ANXA8: variants seen among roughly 807,000 people sequenced by gnomAD.
ANXA8 encodes the protein annexin A8, also known as VAC-beta.
In ANXA8, 9 loss-of-function variants were observed where a neutral mutation model predicts 26.8. The observed-to-expected ratio is 0.34, with a 90% CI of 0.20 to 0.59. The LOEUF is 0.59. Among genes scored for constraint, ANXA8 ranks in the 20% least tolerant of loss-of-function variants. The pLI, the probability that ANXA8 is intolerant of heterozygous loss-of-function variation, is 0.84. For missense variants in ANXA8, 83 were observed against 238.5 expected (o/e 0.35, Z 4.29); for synonymous variants, 39 against 94.8 (o/e 0.41, Z 3.42).
the ANXA8 span, among the ~76,000 whole-genome samples, chr10:47,704,724 C>T: frequency 7.8e-4 from 118 of 152,078 alleles, no homozygotes; most frequent in South Asian, 1.7e-3. Flanking sequence ...AAGTCAATCA[C>T]ATTTCTAGAG....
upstream of ANXA8, among the ~76,000 whole-genome samples, chr10:47,485,158 A>T (rs1405727439): frequency 1.3e-5 from 2 of 152,092 alleles, no homozygotes; most frequent in African/African-American, 4.8e-5. Flanking sequence ...ATTGTACGCC[A>T]AACCTAATAA....
the ANXA8 span, among the ~76,000 whole-genome samples, chr10:47,952,706 G>A: frequency 1.4e-5 from 2 of 147,582 alleles, no homozygotes; most frequent in Admixed American, 1.3e-4. Context: ...TACAAAGAAT[G>A]AATGTTGAGG....
the ANXA8 span, among the ~76,000 whole-genome samples, chr10:47,744,180 C>A: frequency 2.7e-5 from 4 of 148,518 alleles, no homozygotes; most frequent in East Asian, 6.5e-4. Context: ...CTCTCACAGG[C>A]ATGGGGCCCC....
At chr10:47,960,422 C>T in the ANXA8 span, among the ~76,000 whole-genome samples, 3 of 146,946 alleles carry the variant, frequency 2.0e-5, no homozygotes, top group Non-Finnish European at 4.5e-5. Context: ...GCACAGCCTG[C>T]TTCAGCTAAG....
the ANXA8 span, among the ~76,000 whole-genome samples, chr10:47,956,528 A>G: frequency 6.9e-6 from 1 of 145,838 alleles, no homozygotes; most frequent in South Asian, 2.2e-4. Context: ...GACTCATACG[A>G]AGAAGTAGGG....
the ANXA8 span, among the ~76,000 whole-genome samples, chr10:47,988,720 T>A: frequency 6.6e-6 from 1 of 150,710 alleles, no homozygotes; most frequent in Non-Finnish European, 1.5e-5. Context: ...GAAGCTTTCT[T>A]CCACAGGGAG....
the ANXA8 span, among the ~76,000 whole-genome samples, chr10:47,497,698 G>A: frequency 6.7e-6 from 1 of 148,288 alleles, no homozygotes; most frequent in Non-Finnish European, 1.5e-5. Flanking sequence ...AGAACTTTGG[G>A]AGGCCAAGGC....
chr10:47,644,393 A>G, the ANXA8 span, among the ~76,000 whole-genome samples: 24 of 151,950 alleles, frequency 1.6e-4, no homozygotes, highest in African/African-American at 5.3e-4. Flanking sequence ...TATAATCTCT[A>G]TACAACTGTT....
At chr10:47,699,344 C>CAAAAA in the ANXA8 span, among the ~76,000 whole-genome samples, 73 of 53,912 alleles carry the variant, frequency 1.4e-3, no homozygotes, top group East Asian at 2.4e-3. Flanking sequence ...ATTCTGTCTC[C>CAAAAA]AAAAAAAAAA....
At chr10:47,626,037 CAGA>C in the ANXA8 span, among the ~76,000 whole-genome samples, 1 of 150,378 alleles carries the variant, frequency 6.6e-6, no homozygotes. Context: ...CGTGTTGTTG[CAGA>C]AGATTTCTTC....
chr10:47,647,225 T>C, the ANXA8 span, among the ~76,000 whole-genome samples: 1 of 152,156 alleles, frequency 6.6e-6, no homozygotes, highest in East Asian at 1.9e-4. Flanking sequence ...TATAGGACTC[T>C]TGATAATATT....
the ANXA8 span, among the ~76,000 whole-genome samples, chr10:47,526,758 AG>A: frequency 6.9e-6 from 1 of 144,414 alleles, no homozygotes; most frequent in African/African-American, 2.5e-5. Flanking sequence ...ACCAATTAAG[AG>A]ACTTTCTCTA....
upstream of ANXA8, among the ~76,000 whole-genome samples, chr10:47,485,067 T>A (rs1203221802): frequency 7.9e-5 from 12 of 151,008 alleles, no homozygotes; most frequent in Non-Finnish European, 1.3e-4. Flanking sequence ...CCATTCCCTT[T>A]TGGTGCCCAT....
chr10:47,581,512 A>G, the ANXA8 span: 1 of 545,470 alleles, frequency 1.8e-6, no homozygotes, highest in Non-Finnish European at 3.6e-6. Context: ...CCTTGGCTGT[A>G]TTCCTGATTG....
At chr10:47,649,266 A>G in the ANXA8 span, among the ~76,000 whole-genome samples, 2 of 151,436 alleles carry the variant, frequency 1.3e-5, no homozygotes, top group East Asian at 3.9e-4. Flanking sequence ...AATGATACAT[A>G]AACCCTATTT....
At chr10:47,665,380 G>A in the ANXA8 span, among the ~76,000 whole-genome samples, 561 of 150,958 alleles carry the variant, frequency 3.7e-3, 11 homozygotes, top group African/African-American at 0.013. Context: ...GAATAGCTGC[G>A]TACACTTTAT....
At chr10:47,597,490 T>C in the ANXA8 span, among the ~76,000 whole-genome samples, 1 of 145,422 alleles carries the variant, frequency 6.9e-6, no homozygotes, top group African/African-American at 2.7e-5. Flanking sequence ...GATGATAGGA[T>C]TCTATACCTA....
chr10:47,690,270 AT>A, the ANXA8 span: 1 of 1,277,622 alleles, frequency 7.8e-7, no homozygotes, highest in Non-Finnish European at 1.1e-6. Context: ...AAAAATTAAT[AT>A]AGGGCCTGAA....
At chr10:47,535,290 C>T in the ANXA8 span, among the ~76,000 whole-genome samples, 1 of 131,204 alleles carries the variant, frequency 7.6e-6, no homozygotes. Context: ...TGTGTTTTAA[C>T]ATCAGTCAAC....
Sources: gnomAD v4.1 joint callset for allele counts (sites outside exome capture counted in the v4.1 genomes callset) on GRCh38, gnomAD v4.1.1 for gene constraint, MANE v1.5 for transcripts, NCBI Gene and HGNC (gene_info 2026-07-23, HGNC 2026-07-21) for gene names.